Variants in VIT observed in about 807,000 individuals in gnomAD.
The protein encoded by VIT is vitrin.
Under a neutral mutation model 78.0 loss-of-function variants are expected in VIT, and 99 were observed. The ratio of observed to expected loss-of-function variants is 1.27; its 90% CI spans 1.08 to 1.50. The LOEUF is 1.50. Ranked by LOEUF, VIT falls within the 40% of genes most tolerant of loss-of-function variation. The pLI, the probability that VIT is intolerant of heterozygous loss-of-function variation, is 0.00. For missense variants in VIT, 1,126 were observed against 875.3 expected (o/e 1.29, Z -3.61); for synonymous variants, 374 against 334.3 (o/e 1.12, Z -1.29).
chr2:36,761,717 G>A (rs1472546111), intron 6 of VIT, among the ~76,000 whole-genome samples: 3 of 151,946 alleles, frequency 2.0e-5, no homozygotes, highest in Non-Finnish European at 4.4e-5. Context: ...TCCAGCCTGG[G>A]TGACAGAACG....
At chr2:36,715,372 A>C (rs551345368) in intron 1 of VIT, among the ~76,000 whole-genome samples, 41 of 152,200 alleles carry the variant, frequency 2.7e-4, no homozygotes, top group Non-Finnish European at 4.0e-4. Context: ...CCCAGTCTCT[A>C]CTAAAAATAC....
intron 3 of VIT, among the ~76,000 whole-genome samples, chr2:36,733,022 A>G (rs138511788): frequency 6.6e-6 from 1 of 152,352 alleles, no homozygotes; most frequent in East Asian, 1.9e-4. Flanking sequence ...GAAAAAGATG[A>G]AAAGCAAAGA....
chr2:36,802,262 C>A (rs1032000299), intron 13 of VIT, among the ~76,000 whole-genome samples: 6 of 152,130 alleles, frequency 3.9e-5, no homozygotes, highest in Non-Finnish European at 7.3e-5. Context: ...GTCAAAGAGC[C>A]CATGCCAGTG....
At chr2:36,792,488 C>T (rs1002742485) in intron 12 of VIT, among the ~76,000 whole-genome samples, 2 of 152,198 alleles carry the variant, frequency 1.3e-5, no homozygotes, top group Non-Finnish European at 2.9e-5. Context: ...TTTCAGCTCT[C>T]CTCACACATC....
intron 5 of VIT, among the ~76,000 whole-genome samples, chr2:36,758,462 C>T (rs1275782802): frequency 9.2e-5 from 14 of 152,188 alleles, no homozygotes; most frequent in Non-Finnish European, 1.9e-4. Context: ...TACCGTGTCT[C>T]CCCCTGGGTG....
chr2:36,703,571 G>C (rs573164785), intron 1 of VIT, among the ~76,000 whole-genome samples: 1 of 152,342 alleles, frequency 6.6e-6, no homozygotes, highest in East Asian at 1.9e-4. Flanking sequence ...TATGCCTGGT[G>C]CATCATTTTA....
chr2:36,713,588 C>T (rs1665940870), intron 1 of VIT, among the ~76,000 whole-genome samples: 1 of 152,072 alleles, frequency 6.6e-6, no homozygotes, highest in African/African-American at 2.4e-5. Flanking sequence ...AAGGGAACAG[C>T]CTAGTTATGA....
Position 36,808,584 on chromosome 2 carries a change from G to C in VIT, c.1502G>C (p.Cys501Ser), listed in dbSNP as rs149000899. The C allele has an allele frequency of 8.7e-6, 14 of 1,614,074 alleles. No homozygotes were observed. In the African/African-American group the frequency reaches 1.7e-4, roughly 20 times the overall value. The change falls in exon 15 of 16, where the codon TGC becomes TCC. Residue 501 changes from cysteine (C) to serine (S), a missense_variant. Cys to Ser is a moderately radical substitution (Grantham distance 112, BLOSUM62 -1). Transcript: ENST00000379242. ...GTCTGCGACACTGACCGCCTGGCCT[G>C]CAGCAAGACCTGCTTGAACTCGGCT... is the stretch of plus-strand genomic sequence containing the variant. Reference protein sequence around the residue: ...KRVCDTDRLACSKTCLNSADI... With the variant: ...KRVCDTDRLASSKTCLNSADI...
chr2:36,809,990 C>CG (rs1667035002), intron 15 of VIT, among the ~76,000 whole-genome samples: 1 of 100,772 alleles, frequency 9.9e-6, no homozygotes, highest in Non-Finnish European at 1.8e-5. Context: ...GATCCTGTCT[C>CG]AAAAAAAAAA....
intron 12 of VIT, among the ~76,000 whole-genome samples, chr2:36,799,919 G>A (rs1392093180): frequency 6.6e-6 from 1 of 151,842 alleles, no homozygotes; most frequent in Non-Finnish European, 1.5e-5. Context: ...GTGGTGACAC[G>A]CACCGGTAGT....
chr2:36,707,582 T>C (rs916703434), intron 1 of VIT, among the ~76,000 whole-genome samples: 5 of 152,132 alleles, frequency 3.3e-5, no homozygotes, highest in African/African-American at 9.7e-5. Flanking sequence ...ATGCCTCGAA[T>C]TGGGATCTGC....
chr2:36,742,283 G>A (rs1384971648), intron 3 of VIT, among the ~76,000 whole-genome samples: 1 of 152,148 alleles, frequency 6.6e-6, no homozygotes, highest in Non-Finnish European at 1.5e-5. Context: ...CAACCTTTCA[G>A]CTTCAGCAAA....
At chr2:36,799,320 A>G (rs1264274065) in intron 12 of VIT, among the ~76,000 whole-genome samples, 1 of 152,190 alleles carries the variant, frequency 6.6e-6, no homozygotes, top group African/African-American at 2.4e-5. Flanking sequence ...ACTCACTAAG[A>G]ATCAACCCAT....
intron 2 of VIT, among the ~76,000 whole-genome samples, chr2:36,723,363 T>G (rs972673560): frequency 1.3e-5 from 2 of 152,172 alleles, no homozygotes; most frequent in Admixed American, 6.5e-5. Flanking sequence ...TCAAAGAATA[T>G]AAAAGTTTTT....
At chr2:36,811,272 G>T (rs1403658221) in intron 15 of VIT, among the ~76,000 whole-genome samples, 3 of 152,186 alleles carry the variant, frequency 2.0e-5, no homozygotes, top group Non-Finnish European at 4.4e-5. Flanking sequence ...CAGCTTTGAC[G>T]GCAAGCCCAA....
chr2:36,806,277 G>C (rs1157567879), intron 14 of VIT, among the ~76,000 whole-genome samples: 1 of 152,162 alleles, frequency 6.6e-6, no homozygotes, highest in Non-Finnish European at 1.5e-5. Context: ...GCAAGCCTTG[G>C]ACAGGTTTGT....
At chr2:36,812,487 C>T (rs529896278) in intron 15 of VIT, among the ~76,000 whole-genome samples, 3 of 152,162 alleles carry the variant, frequency 2.0e-5, no homozygotes, top group Non-Finnish European at 2.9e-5. Flanking sequence ...CCCACCACCC[C>T]GGGCAGTCTC....
chr2:36,748,148 A>C (rs1202492955), intron 4 of VIT, among the ~76,000 whole-genome samples: 3 of 152,104 alleles, frequency 2.0e-5, no homozygotes, highest in Non-Finnish European at 2.9e-5. Flanking sequence ...ATTACCTTTA[A>C]GACGTTTTTC....
intron 1 of VIT, among the ~76,000 whole-genome samples, chr2:36,710,622 T>C (rs200339971): frequency 6.6e-6 from 1 of 151,338 alleles, no homozygotes; most frequent in African/African-American, 2.4e-5. Context: ...CAGTTTCTGA[T>C]GCAGTGTAAT....
Sources: allele counts gnomAD v4.1 joint callset (sites outside exome capture counted in the v4.1 genomes callset), GRCh38; gene constraint gnomAD v4.1.1; transcripts MANE v1.5; gene names NCBI Gene and HGNC (gene_info 2026-07-23, HGNC 2026-07-21).